Variants in CNTNAP2 observed in about 807,000 individuals in gnomAD.
CNTNAP2 encodes the protein contactin associated protein 2, also known as contactin-associated protein-like 2.
Under a neutral mutation model 155.2 loss-of-function variants are expected in CNTNAP2, and 98 were observed. The ratio of observed to expected loss-of-function variants is 0.63; its 90% CI spans 0.54 to 0.75. The LOEUF (loss-of-function observed/expected upper bound fraction) is 0.75. Among genes scored for constraint, CNTNAP2 ranks in the 30% least tolerant of loss-of-function variants. The pLI is 0.00. For synonymous variants in CNTNAP2, 651 were observed against 631.2 expected (o/e 1.03, Z -0.47); for missense variants, 1,727 against 1,688.1 (o/e 1.02, Z -0.40).
chr7:146,930,841 G>T (rs560621362), intron 3 of CNTNAP2, among the ~76,000 whole-genome samples: 72 of 152,222 alleles, frequency 4.7e-4, no homozygotes, highest in African/African-American at 1.6e-3. Context: ...GACAAAGAAG[G>T]CCATTACATA....
chr7:148,118,401 C>T (rs909286502), intron 16 of CNTNAP2, 113 bp downstream of exon 16: 1 of 1,197,806 alleles, frequency 8.3e-7, no homozygotes, highest in Non-Finnish European at 1.2e-6. Context: ...TTCCTTTGTT[C>T]CAGGAGCAGG....
intron 11 of CNTNAP2, among the ~76,000 whole-genome samples, chr7:147,492,268 T>G (rs1374195276): frequency 2.0e-5 from 3 of 152,176 alleles, no homozygotes; most frequent in Non-Finnish European, 2.9e-5. Flanking sequence ...CCTATGAGAA[T>G]CTATTGCTGC....
intron 4 of CNTNAP2, among the ~76,000 whole-genome samples, chr7:147,077,760 T>C (rs1800024963): frequency 6.6e-6 from 1 of 152,174 alleles, no homozygotes; most frequent in Non-Finnish European, 1.5e-5. Flanking sequence ...AAAATGAGAA[T>C]AATGATAGTA....
At chr7:147,416,205 A>T (rs1395343207) in intron 10 of CNTNAP2, among the ~76,000 whole-genome samples, 1 of 152,182 alleles carries the variant, frequency 6.6e-6, no homozygotes, top group African/African-American at 2.4e-5. Flanking sequence ...AATTACAATC[A>T]GTTTCTCAAC....
intron 13 of CNTNAP2, among the ~76,000 whole-genome samples, chr7:147,661,660 C>A (rs923961135): frequency 6.6e-6 from 1 of 151,758 alleles, no homozygotes; most frequent in Non-Finnish European, 1.5e-5. Context: ...TCAAGTGAGT[C>A]TCCTGCCACA....
At chr7:147,943,272 A>G (rs577906042) in intron 14 of CNTNAP2, among the ~76,000 whole-genome samples, 1 of 152,258 alleles carries the variant, frequency 6.6e-6, no homozygotes, top group South Asian at 2.1e-4. Flanking sequence ...TATTTATTTT[A>G]CTGTTGGCAC....
In CNTNAP2 at chr7:146,426,185, C is replaced by CAAAA. The variant is rs57484419; in HGVS notation, c.97+309234_97+309237dup. Among the ~76,000 whole-genome samples the CAAAA allele has an allele frequency of 3.4e-3, 188 of 54,624 alleles. 8 individuals carry two copies. Among genetic ancestry groups the CAAAA allele is most frequent in the African/African-American group, 0.013 (178 of 13,452 alleles). The allele number at this position is 54,624 out of a possible 152,430, so 35.8% of individuals were successfully genotyped here. On this transcript the variant is annotated intron_variant, in intron 1 of 23. Transcript: ENST00000361727. ...TGGGCTACAGAGTGAGACTTCGCCT[C>CAAAA]AAAAAAAAAAAAAAAAAAAAAAAAA...
chr7:148,142,000 G>T (rs933061625), intron 16 of CNTNAP2, among the ~76,000 whole-genome samples: 2 of 151,950 alleles, frequency 1.3e-5, no homozygotes, highest in Non-Finnish European at 2.9e-5. Context: ...GAAACAAAAG[G>T]GTGCATAGAA....
At chr7:147,523,490 C>T (rs1799264560) in intron 11 of CNTNAP2, among the ~76,000 whole-genome samples, 1 of 152,164 alleles carries the variant, frequency 6.6e-6, no homozygotes, top group African/African-American at 2.4e-5. Context: ...AGTTGGGGAT[C>T]CTTTGGGATC....
chr7:147,185,018 C>T (rs1477954221), intron 8 of CNTNAP2, among the ~76,000 whole-genome samples: 3 of 151,974 alleles, frequency 2.0e-5, no homozygotes, highest in Non-Finnish European at 4.4e-5. Context: ...GAGGAAAAAG[C>T]CACTTAAATG....
chr7:146,842,733 T>TGC (rs1329596973), intron 3 of CNTNAP2, among the ~76,000 whole-genome samples: 11 of 151,784 alleles, frequency 7.2e-5, no homozygotes, highest in African/African-American at 2.7e-4. Context: ...TCGCCCAGGC[T>TGC]GGAGTGCAGT....
At chr7:146,205,986 A>G (rs1377434306) in intron 1 of CNTNAP2, among the ~76,000 whole-genome samples, 1 of 151,882 alleles carries the variant, frequency 6.6e-6, no homozygotes, top group African/African-American at 2.4e-5. Context: ...TTAATAAAGA[A>G]GGTAATGACC....
intron 3 of CNTNAP2, among the ~76,000 whole-genome samples, chr7:147,033,024 A>G (rs1799065419): frequency 6.6e-6 from 1 of 151,644 alleles, no homozygotes; most frequent in African/African-American, 2.4e-5. Context: ...CTTGCAAAAT[A>G]ATGCTGTTCT....
rs571090741 is a variant in CNTNAP2, at chr7:147,743,010, T to C, written c.2098+103704T>C. ...AGTTTCATCACACAGTAAAAGTCTA[T>C]GCTGGCTGTCATAATTTTTTATAAT... On this transcript the variant is annotated intron_variant, in intron 13 of 23. Coordinates refer to ENST00000361727, the MANE Select transcript of CNTNAP2 (RefSeq NM_014141.6). Among the ~76,000 whole-genome samples the C allele has an allele frequency of 4.9e-4, 74 of 152,336 alleles. 1 individual carries two copies. Among genetic ancestry groups the C allele is most frequent in the African/African-American group, 1.7e-3 (71 of 41,584 alleles).
At chr7:146,151,664 A>ATATATG (rs1562968981) in intron 1 of CNTNAP2, among the ~76,000 whole-genome samples, 10 of 48,224 alleles carry the variant, frequency 2.1e-4, no homozygotes, top group African/African-American at 6.9e-4. Flanking sequence ...ATATATATAT[A>ATATATG]TATATATATA....
chr7:147,226,233 C>T (rs185486661), intron 8 of CNTNAP2, among the ~76,000 whole-genome samples: 2 of 152,236 alleles, frequency 1.3e-5, no homozygotes, highest in East Asian at 3.9e-4. Flanking sequence ...CAATTGTCAC[C>T]ATAGGCCCTC....
intron 21 of CNTNAP2, among the ~76,000 whole-genome samples, chr7:148,277,586 A>ACCCCC (rs147409823): frequency 7.1e-6 from 1 of 140,076 alleles, no homozygotes; most frequent in East Asian, 2.2e-4. Flanking sequence ...TTAGTACAGG[A>ACCCCC]CCGCCCCCCA....
At chr7:148,024,788 T>C (rs1261261173) in intron 15 of CNTNAP2, among the ~76,000 whole-genome samples, 1 of 152,168 alleles carries the variant, frequency 6.6e-6, no homozygotes. Context: ...AGGAAGTCCT[T>C]CACAGGCAGC....
At chr7:147,293,373 G>A (rs929261111) in intron 8 of CNTNAP2, among the ~76,000 whole-genome samples, 1 of 152,072 alleles carries the variant, frequency 6.6e-6, no homozygotes, top group African/African-American at 2.4e-5. Context: ...ATTTTCTTAT[G>A]ATATGGAATT....
Sources: gnomAD v4.1 joint callset for allele counts (sites outside exome capture counted in the v4.1 genomes callset) on GRCh38, gnomAD v4.1.1 for gene constraint, MANE v1.5 for transcripts, NCBI Gene and HGNC (gene_info 2026-07-23, HGNC 2026-07-21) for gene names.